KAZN: variants seen among roughly 807,000 people sequenced by gnomAD.
KAZN encodes the protein kazrin.
KAZN carries 40 observed loss-of-function variants against 87.4 expected under a neutral mutation model. The observed-to-expected ratio is 0.46, with a 90% CI of 0.36 to 0.60. The LOEUF is 0.60. Among genes scored for constraint, KAZN ranks in the 20% least tolerant of loss-of-function variants. KAZN has a pLI of 0.00. For synonymous variants in KAZN, 466 were observed against 458.3 expected, an observed-to-expected ratio of 1.02 and a Z score of -0.22; for missense variants, 898 against 1,073.9, an observed-to-expected ratio of 0.84 and a Z score of 2.29.
intron 2 of KAZN, among the ~76,000 whole-genome samples, chr1:14,317,145 A>G (rs1023608248): frequency 6.6e-6 from 1 of 151,794 alleles, no homozygotes. Context: ...GTTTCTCACT[A>G]CTTGCGGATA....
chr1:15,016,061 C>T (rs1670060805), intron 2 of KAZN, among the ~76,000 whole-genome samples: 1 of 151,862 alleles, frequency 6.6e-6, no homozygotes, highest in African/African-American at 2.4e-5. Context: ...GTGAAGATCT[C>T]GAGATGAGAT....
At chr1:14,808,624 C>T (rs564571324) in intron 1 of KAZN, among the ~76,000 whole-genome samples, 2 of 152,204 alleles carry the variant, frequency 1.3e-5, no homozygotes, top group East Asian at 1.9e-4. Flanking sequence ...GGATGCTTTG[C>T]CTCTTTCAGA....
chr1:13,931,681 ATG>A (rs1439534665), intron 1 of KAZN, among the ~76,000 whole-genome samples: 4 of 38,038 alleles, frequency 1.1e-4, no homozygotes, highest in South Asian at 7.3e-4. Flanking sequence ...AATGATTGTC[ATG>A]TGTGTGTGTG....
chr1:14,850,127 G>T (rs1044402224), intron 1 of KAZN, among the ~76,000 whole-genome samples: 2 of 151,980 alleles, frequency 1.3e-5, no homozygotes, highest in Non-Finnish European at 2.9e-5. Context: ...ATAGAGACAG[G>T]GTTTCACCAT....
chr1:14,449,931 C>T (rs1375716613), intron 2 of KAZN, among the ~76,000 whole-genome samples: 1 of 152,152 alleles, frequency 6.6e-6, no homozygotes, highest in Admixed American at 6.5e-5. Context: ...TTCCCAGATT[C>T]AAGTAAAATC....
chr1:15,028,093 C>T (rs548983164), intron 2 of KAZN, among the ~76,000 whole-genome samples: 4 of 152,316 alleles, frequency 2.6e-5, no homozygotes, highest in Admixed American at 6.5e-5. Flanking sequence ...AGCTCAGAGA[C>T]GTGCCATCAT....
chr1:14,445,665 A>G (rs969840086), intron 2 of KAZN, among the ~76,000 whole-genome samples: 3 of 152,128 alleles, frequency 2.0e-5, no homozygotes, highest in Non-Finnish European at 4.4e-5. Flanking sequence ...TAGGAAAGTG[A>G]AGGCAGTCAG....
chr1:14,264,582 C>G (rs1335478204), intron 2 of KAZN, among the ~76,000 whole-genome samples: 2 of 152,180 alleles, frequency 1.3e-5, no homozygotes, highest in Non-Finnish European at 2.9e-5. Flanking sequence ...CCCTCTCTTG[C>G]CCTTCTACCA....
chr1:14,231,358 T>C (rs142817842), intron 2 of KAZN, among the ~76,000 whole-genome samples: 155 of 151,294 alleles, frequency 1.0e-3, no homozygotes, highest in Middle Eastern at 6.8e-3. Context: ...CCCCTTGTAA[T>C]TGATAAAGTG....
intron 1 of KAZN, among the ~76,000 whole-genome samples, chr1:14,903,798 C>A (rs1656192917): frequency 6.6e-6 from 1 of 152,194 alleles, no homozygotes; most frequent in Non-Finnish European, 1.5e-5. Context: ...TAGTAGGTTA[C>A]ATGTATTGAA....
chr1:13,938,647 G>A (rs906943593), intron 1 of KAZN, among the ~76,000 whole-genome samples: 2 of 152,200 alleles, frequency 1.3e-5, no homozygotes, highest in Non-Finnish European at 1.5e-5. Flanking sequence ...GAAGGAAAAC[G>A]TGGGATTGGA....
At chr1:14,576,810 A>T (rs77486860) in intron 2 of KAZN, among the ~76,000 whole-genome samples, 15,308 of 152,262 alleles carry the variant, frequency 0.1, 829 homozygotes, top group Non-Finnish European at 0.13. Flanking sequence ...AAAGGAAAAA[A>T]ATCCAAGAGC....
At chr1:14,397,641 G>A (rs1663011945) in intron 2 of KAZN, among the ~76,000 whole-genome samples, 1 of 151,992 alleles carries the variant, frequency 6.6e-6, no homozygotes, top group Non-Finnish European at 1.5e-5. Context: ...CGGATCACCT[G>A]AGGTCAGGAG....
intron 2 of KAZN, among the ~76,000 whole-genome samples, chr1:14,475,072 A>G (rs1668646391): frequency 6.6e-6 from 1 of 151,934 alleles, no homozygotes; most frequent in Admixed American, 6.6e-5. Flanking sequence ...GGATAGATGA[A>G]TGGTAGATGG....
At chr1:14,462,146 CCA>C (rs995865413) in intron 2 of KAZN, among the ~76,000 whole-genome samples, 1 of 151,182 alleles carries the variant, frequency 6.6e-6, no homozygotes, top group African/African-American at 2.4e-5. Context: ...TGTTGTTCTC[CCA>C]CAGTTTCACA....
chr1:13,931,868 C>G (rs746823190), intron 1 of KAZN, among the ~76,000 whole-genome samples: 1 of 152,170 alleles, frequency 6.6e-6, no homozygotes, highest in Non-Finnish European at 1.5e-5. Context: ...AACGGAGTCT[C>G]GCTCTATTGC....
chr1:14,689,057 T>A (rs1372539480), intron 1 of KAZN, among the ~76,000 whole-genome samples: 11 of 151,998 alleles, frequency 7.2e-5, no homozygotes, highest in Admixed American at 7.2e-4. Flanking sequence ...TAGCCAGACA[T>A]GGTGGTGCGT....
At chr1:14,161,001 G>A (rs1426569901) in intron 1 of KAZN, among the ~76,000 whole-genome samples, 1 of 152,212 alleles carries the variant, frequency 6.6e-6, no homozygotes, top group Non-Finnish European at 1.5e-5. Flanking sequence ...CAGAAGTGCT[G>A]AAACTATTTC....
chr1:14,662,891 AT>A lies in KAZN; in HGVS notation c.226+63670del, dbSNP rs560555258. Among the ~76,000 whole-genome samples, 747 of 147,544 alleles carry A rather than the reference AT, an allele frequency of 5.1e-3. 7 individuals carry two copies. Among genetic ancestry groups the A allele is most frequent in the African/African-American group, 0.017 (695 of 40,430 alleles). ...CCAATACTTATATATATATGTATAT[AT>A]TATATATGTAAATATATATATACAC... On this transcript the variant is annotated intron_variant, in intron 1 of 14. Coordinates refer to ENST00000376030, the MANE Select transcript of KAZN (RefSeq NM_201628.3).
Sources: gnomAD v4.1 joint callset for allele counts (sites outside exome capture counted in the v4.1 genomes callset) on GRCh38, gnomAD v4.1.1 for gene constraint, MANE v1.5 for transcripts, NCBI Gene and HGNC (gene_info 2026-07-23, HGNC 2026-07-21) for gene names.